The following SDCCAG8 variants were observed in gnomAD, a reference collection of about 807,000 sequenced individuals.
SDCCAG8 encodes SHH signaling and ciliogenesis regulator SDCCAG8.
SDCCAG8 carries 74 observed loss-of-function variants against 101.8 expected under a neutral mutation model. The ratio of observed to expected loss-of-function variants is 0.73; its 90% confidence interval spans 0.60 to 0.88. The LOEUF (loss-of-function observed/expected upper bound fraction) is 0.88. SDCCAG8 is among the 40% of genes least tolerant of loss of function. SDCCAG8 has a pLI of 0.00. For missense variants in SDCCAG8, 787 were observed against 822.6 expected (o/e 0.96, Z 0.53); for synonymous variants, 281 against 292.9 (o/e 0.96, Z 0.41).
chr1:243,359,202 C>A (rs2076554982), intron 12 of SDCCAG8, among the ~76,000 whole-genome samples: 1 of 152,104 alleles, frequency 6.6e-6, no homozygotes, highest in Non-Finnish European at 1.5e-5. Context: ...TCATTGGAAG[C>A]CTACTTACCC....
intron 6 of SDCCAG8, 143 bp downstream of exon 6, chr1:243,293,362 T>C: frequency 1.2e-6 from 1 of 835,344 alleles, no homozygotes; most frequent in Non-Finnish European, 2.0e-6. Flanking sequence ...ATTAAGTACA[T>C]TCATGTCACT....
At chr1:243,480,831 A>G (rs1574304098) in intron 16 of SDCCAG8, among the ~76,000 whole-genome samples, 4 of 89,614 alleles carry the variant, frequency 4.5e-5, no homozygotes, top group Non-Finnish European at 6.8e-5. Context: ...GGATGGATGG[A>G]TGGATGGATG....
At chr1:243,412,470 C>G (rs996206446) in intron 13 of SDCCAG8, among the ~76,000 whole-genome samples, 1 of 152,186 alleles carries the variant, frequency 6.6e-6, no homozygotes, top group Non-Finnish European at 1.5e-5. Flanking sequence ...CCATCCAGGC[C>G]GCAAGCAGAG....
At chr1:243,403,003 G>A (rs1037719161) in intron 13 of SDCCAG8, among the ~76,000 whole-genome samples, 2 of 152,260 alleles carry the variant, frequency 1.3e-5, no homozygotes, top group African/African-American at 2.4e-5. Flanking sequence ...CATCTTTGCC[G>A]TTATATGTTG....
rs956204136 is a variant in SDCCAG8, at chr1:243,344,066, C to A, written c.1357-149C>A. On this transcript the variant is annotated intron_variant, in intron 11 of 17. Coordinates refer to ENST00000366541, the MANE Select transcript of SDCCAG8 (RefSeq NM_006642.5). ...GTTGCTTCTGAATCTTAACAAGCTA[C>A]GTTGAATAGTCTAATAGAAAATGGC... is the stretch of plus-strand genomic sequence containing the variant. 7.4e-6 allele frequency: 5 copies of A among 673,890 alleles called. No homozygotes were observed. In the African/African-American group the frequency reaches 9.0e-5, roughly 12 times the overall value. The allele number at this position is 673,890 out of a possible 1,614,324, so 41.7% of individuals were successfully genotyped here.
intron 12 of SDCCAG8, among the ~76,000 whole-genome samples, chr1:243,367,247 C>A (rs145876263): frequency 1.3e-5 from 2 of 151,722 alleles, no homozygotes; most frequent in South Asian, 4.1e-4. Flanking sequence ...CATTTTTATT[C>A]GCCATTGGAA....
intron 9 of SDCCAG8, among the ~76,000 whole-genome samples, chr1:243,322,259 G>A (rs994319125): frequency 6.6e-6 from 1 of 152,152 alleles, no homozygotes; most frequent in African/African-American, 2.4e-5. Flanking sequence ...CTCGTTCTGC[G>A]GCAAGATCAG....
chr1:243,476,123 A>T (rs999043969), intron 16 of SDCCAG8: 1 of 985,354 alleles, frequency 1.0e-6, no homozygotes, highest in African/African-American at 1.7e-5. Flanking sequence ...TGCTCTTTGC[A>T]GAATTCCTTT....
chr1:243,392,959 T>C (rs1481257555), intron 13 of SDCCAG8, among the ~76,000 whole-genome samples: 2 of 152,058 alleles, frequency 1.3e-5, no homozygotes, highest in South Asian at 2.1e-4. Context: ...AGAAACAGAG[T>C]GTAGATTACC....
chr1:243,371,953 C>A (rs2077315723), intron 12 of SDCCAG8, among the ~76,000 whole-genome samples: 1 of 152,034 alleles, frequency 6.6e-6, no homozygotes, highest in South Asian at 2.1e-4. Flanking sequence ...ATAGCCAAAG[C>A]AAGCTAGTGC....
At chr1:243,488,883 C>T (rs1040405645) in intron 16 of SDCCAG8, 131 bp from the exon 17 acceptor site, 1 of 1,285,456 alleles carries the variant, frequency 7.8e-7, no homozygotes. Flanking sequence ...CAGAGCCTGG[C>T]ACCTCAGGGT....
At chr1:243,343,779 G>A (rs1225405873) in intron 11 of SDCCAG8, among the ~76,000 whole-genome samples, 1 of 152,096 alleles carries the variant, frequency 6.6e-6, no homozygotes, top group Non-Finnish European at 1.5e-5. Flanking sequence ...TCCTTTTAAA[G>A]AGCATAACTG....
At chr1:243,469,297 G>A (rs1182923717) in intron 16 of SDCCAG8, among the ~76,000 whole-genome samples, 1 of 152,088 alleles carries the variant, frequency 6.6e-6, no homozygotes, top group African/African-American at 2.4e-5. Context: ...TTGATGAAAT[G>A]CACTTAATAC....
intron 13 of SDCCAG8, among the ~76,000 whole-genome samples, chr1:243,403,343 A>G (rs79105724): frequency 0.12 from 17,793 of 152,216 alleles, 1,194 homozygotes; most frequent in African/African-American, 0.16. Flanking sequence ...TTCTTTCCTC[A>G]AGGCTGTCTT....
chr1:243,307,551 G>A (rs1404960274), intron 7 of SDCCAG8: 1 of 983,728 alleles, frequency 1.0e-6, no homozygotes, highest in African/African-American at 1.7e-5. Flanking sequence ...AAAATTTTAA[G>A]AGATTAATGC....
intron 5 of SDCCAG8, 69 bp downstream of exon 5, chr1:243,286,466 T>G: frequency 6.5e-7 from 1 of 1,533,274 alleles, no homozygotes; most frequent in Non-Finnish European, 9.0e-7. Context: ...TCTCCTCGCC[T>G]TCTTCGCTGC....
chr1:243,497,340 G>GGA (rs1290875062), intron 17 of SDCCAG8, among the ~76,000 whole-genome samples: 1 of 141,346 alleles, frequency 7.1e-6, no homozygotes, highest in Admixed American at 7.1e-5. Flanking sequence ...GCACGGGTGG[G>GGA]GGGGGGGGCG....
At chr1:243,306,731 T>C (rs2072170776) in intron 7 of SDCCAG8, among the ~76,000 whole-genome samples, 1 of 152,144 alleles carries the variant, frequency 6.6e-6, no homozygotes. Context: ...AAAGAAAACT[T>C]ATCATCTTGG....
intron 13 of SDCCAG8, among the ~76,000 whole-genome samples, chr1:243,404,116 G>A (rs1425830958): frequency 6.6e-6 from 1 of 152,206 alleles, no homozygotes; most frequent in African/African-American, 2.4e-5. Flanking sequence ...GAGCTTACAT[G>A]CGAAGGGATA....
Sources: allele counts gnomAD v4.1 joint callset (sites outside exome capture counted in the v4.1 genomes callset), GRCh38; gene constraint gnomAD v4.1.1; transcripts MANE v1.5; gene names NCBI Gene and HGNC (gene_info 2026-07-23, HGNC 2026-07-21).